Variants in CNNM1 observed in about 807,000 individuals in gnomAD.
The protein encoded by CNNM1 is metal transporter CNNM1.
CNNM1 carries 44 observed loss-of-function variants against 78.8 expected under a neutral mutation model. That is an observed-to-expected ratio of 0.56 (90% CI 0.44 to 0.72). The LOEUF is 0.72. CNNM1 is among the 30% of genes least tolerant of loss of function. The pLI, the probability that CNNM1 is intolerant of heterozygous loss-of-function variation, is 0.00. For synonymous variants in CNNM1, 584 were observed against 581.5 expected (o/e 1.00, Z -0.06); for missense variants, 1,101 against 1,292.2 (o/e 0.85, Z 2.27).
At chr10:99,365,089 C>A in intron 6 of CNNM1, 87 bp downstream of exon 6, 1 of 1,388,258 alleles carries the variant, frequency 7.2e-7, no homozygotes, top group Non-Finnish European at 1.0e-6. Flanking sequence ...GCACTTTGAG[C>A]CTGGGCTGGG....
At chr10:99,340,741 CCT>C (rs1371986878) in intron 1 of CNNM1, among the ~76,000 whole-genome samples, 3 of 149,964 alleles carry the variant, frequency 2.0e-5, no homozygotes, top group African/African-American at 7.4e-5. Flanking sequence ...TCCCTCCCTC[CCT>C]CTCTCTTCTT....
At chr10:99,367,518 TGTTTGGTGTATACAATGTATACA>T (rs974925847) in intron 6 of CNNM1, among the ~76,000 whole-genome samples, 3 of 152,294 alleles carry the variant, frequency 2.0e-5, no homozygotes, top group South Asian at 2.1e-4. Flanking sequence ...GTCTCCTGTC[TGTTTGGTGTATACAATGTATACA>T]GTTTGGTGTA....
intron 6 of CNNM1, among the ~76,000 whole-genome samples, chr10:99,366,729 C>T (rs2031632518): frequency 6.6e-6 from 1 of 152,034 alleles, no homozygotes; most frequent in African/African-American, 2.4e-5. Context: ...TTGCAGTGAG[C>T]CAAGATCATG....
rs186491691 is a variant in CNNM1 at position 99,334,926 on chromosome 10, C to T, written c.1573+3966C>T. Among the ~76,000 whole-genome samples the T allele has an allele frequency of 3.5e-4, 54 of 152,304 alleles. 1 individual carries two copies. Among genetic ancestry groups the T allele is most frequent in the African/African-American group, 1.1e-3 (47 of 41,572 alleles). On this transcript the variant is annotated intron_variant, in intron 1 of 10. Transcript: ENST00000356713. ...TTTTACAGATGAAGAAACTAAAGCT[C>T]GGATCAATAACATGACTTGTACAAC...
chr10:99,373,727 G>C (rs2031878240), intron 6 of CNNM1, among the ~76,000 whole-genome samples: 2 of 132,008 alleles, frequency 1.5e-5, no homozygotes. Flanking sequence ...TGCCCTTCTG[G>C]GTCTTCAATG....
intron 7 of CNNM1, among the ~76,000 whole-genome samples, chr10:99,385,568 T>C (rs1445057574): frequency 6.6e-6 from 1 of 152,220 alleles, no homozygotes; most frequent in South Asian, 2.1e-4. Context: ...ATGCCCATTA[T>C]AAAGTCAAAT....
chr10:99,381,072 C>T (rs1316465220), intron 7 of CNNM1, among the ~76,000 whole-genome samples: 2 of 152,062 alleles, frequency 1.3e-5, no homozygotes, highest in East Asian at 3.9e-4. Context: ...ATCAAGAAGA[C>T]TAAATGTCAG....
At chr10:99,356,609 G>GAAAGAAAGAAAGAAAGAAAGAAAGA (rs2031219339) in intron 1 of CNNM1, among the ~76,000 whole-genome samples, 1 of 132,554 alleles carries the variant, frequency 7.5e-6, no homozygotes, top group African/African-American at 3.0e-5. Flanking sequence ...AGAAAGAAAA[G>GAAAGAAAGAAAGAAAGAAAGAAAGA]AAAGAAAGAA....
chr10:99,338,252 T>C (rs1004909234), intron 1 of CNNM1, among the ~76,000 whole-genome samples: 6 of 151,076 alleles, frequency 4.0e-5, no homozygotes, highest in Admixed American at 2.0e-4. Flanking sequence ...AATGCAAAAA[T>C]GCAATGGGAA....
At chr10:99,331,180 T>G (rs2029895110) in intron 1 of CNNM1, among the ~76,000 whole-genome samples, 1 of 152,166 alleles carries the variant, frequency 6.6e-6, no homozygotes, top group African/African-American at 2.4e-5. Context: ...TCTACTTGAT[T>G]CACAAGATGC....
At chr10:99,387,689 C>T (rs371541144) in intron 7 of CNNM1, 131 bp from the exon 8 acceptor site, 17 of 869,460 alleles carry the variant, frequency 2.0e-5, no homozygotes, top group African/African-American at 3.4e-5. Context: ...GGCCCCCATT[C>T]GTGGATCTCA....
intron 6 of CNNM1, among the ~76,000 whole-genome samples, chr10:99,365,602 T>C (rs2031589338): frequency 6.6e-6 from 1 of 152,218 alleles, no homozygotes; most frequent in Non-Finnish European, 1.5e-5. Flanking sequence ...TTCTGTGCTG[T>C]GCCTTCTTGC....
intron 7 of CNNM1, 62 bp from the exon 8 acceptor site, chr10:99,387,758 G>C: frequency 6.7e-7 from 1 of 1,483,702 alleles, no homozygotes; most frequent in Non-Finnish European, 9.0e-7. Context: ...GCCTGGGAAG[G>C]CTGGCTGCAT....
intron 6 of CNNM1, among the ~76,000 whole-genome samples, chr10:99,371,337 C>A (rs1482430579): frequency 6.6e-6 from 1 of 152,180 alleles, no homozygotes; most frequent in Non-Finnish European, 1.5e-5. Context: ...AATGAAACTT[C>A]TGATCAGGGG....
chr10:99,345,218 T>A (rs187342983), intron 1 of CNNM1, among the ~76,000 whole-genome samples: 1 of 152,286 alleles, frequency 6.6e-6, no homozygotes, highest in African/African-American at 2.4e-5. Context: ...ATGCACCCAA[T>A]GTACAGTAGG....
intron 2 of CNNM1, among the ~76,000 whole-genome samples, chr10:99,360,081 C>G (rs2031378016): frequency 6.6e-6 from 1 of 152,050 alleles, no homozygotes; most frequent in South Asian, 2.1e-4. Context: ...GGTACCAGAC[C>G]CTGCCTGAGG....
chr10:99,365,059 G>A (rs866260187), intron 6 of CNNM1, 57 bp downstream of exon 6: 31 of 1,578,496 alleles, frequency 2.0e-5, no homozygotes, highest in African/African-American at 8.1e-5. Flanking sequence ...GCCTCAGCCC[G>A]CTCTGGGGAC....
At chr10:99,368,345 TTGTGCTTGTACATCTGATTCCAAGATGTG>T in intron 6 of CNNM1, 1 of 313,946 alleles carries the variant, frequency 3.2e-6, no homozygotes, top group Middle Eastern at 7.5e-4. Flanking sequence ...AGGGCTCGGC[TTGTGCTTGTACATCTGATTCCAAGATGTG>T]TTGCACATCT....
At chr10:99,368,837 T>C (rs1160452171) in intron 6 of CNNM1, among the ~76,000 whole-genome samples, 1 of 152,204 alleles carries the variant, frequency 6.6e-6, no homozygotes, top group African/African-American at 2.4e-5. Context: ...CATTTGCACA[T>C]ACCACCCAGG....
Sources: allele counts gnomAD v4.1 joint callset (sites outside exome capture counted in the v4.1 genomes callset), GRCh38; gene constraint gnomAD v4.1.1; transcripts MANE v1.5; gene names NCBI Gene and HGNC (gene_info 2026-07-23, HGNC 2026-07-21).